MYLIP: variants seen among roughly 807,000 people sequenced by gnomAD.
MYLIP encodes the protein myosin regulatory light chain interacting protein, also known as E3 ubiquitin-protein ligase MYLIP.
A neutral mutation model predicts 45.8 loss-of-function variants in MYLIP; 26 were observed. That is an observed-to-expected ratio of 0.57 (90% CI 0.42 to 0.79). The LOEUF (loss-of-function observed/expected upper bound fraction) is 0.79, where lower values mean the gene tolerates loss of function less well. Ranked by LOEUF, MYLIP falls within the 30% of genes least tolerant of loss-of-function variation. The probability of loss-of-function intolerance (pLI) is 0.00; values close to 1 mark genes in which losing one functional copy is unlikely to be tolerated. For synonymous variants in MYLIP, 213 were observed against 218.1 expected (o/e 0.98, Z 0.21); for missense variants, 494 against 555.6 (o/e 0.89, Z 1.11).
intron 2 of MYLIP, among the ~76,000 whole-genome samples, chr6:16,132,183 A>C (rs1759471699): frequency 6.6e-6 from 1 of 152,220 alleles, no homozygotes; most frequent in South Asian, 2.1e-4. Flanking sequence ...AGAAGCTTGG[A>C]GTACCAAATA....
chr6:16,148,183 A>G lies in MYLIP; in HGVS notation c.*1432A>G, dbSNP rs1485996937. On this transcript the variant is annotated 3_prime_UTR_variant, in exon 7 of 7. Coordinates refer to ENST00000356840, the MANE Select transcript of MYLIP (RefSeq NM_013262.4). ...GTAAAAAAATAATGTTTCCACGTAA[A>G]GAACTCTGTTATATCCTAGAGGACT... is the stretch of plus-strand genomic sequence containing the variant. The G allele has an allele frequency of 6.6e-6, 1 of 152,636 alleles. No homozygotes were observed. The highest frequency in any genetic ancestry group is 1.5e-5 in the Non-Finnish European group (1 of 68,034). 9.5% of individuals were successfully genotyped at this position (152,636 alleles called of 1,614,324 possible). A position where few individuals can be genotyped will look rare whatever the true frequency, so the allele number is the denominator to read the frequency against.
intron 2 of MYLIP, among the ~76,000 whole-genome samples, chr6:16,134,104 T>A (rs373110579): frequency 7.2e-5 from 11 of 152,198 alleles, no homozygotes; most frequent in African/African-American, 2.2e-4. Flanking sequence ...TTTATAGCAT[T>A]TAATGAGCTT....
At chr6:16,153,775 G>T in the MYLIP span, among the ~76,000 whole-genome samples, 1 of 152,198 alleles carries the variant, frequency 6.6e-6, no homozygotes, top group Non-Finnish European at 1.5e-5. Context: ...TACATATGAG[G>T]TGTGACACCC....
At chr6:16,132,373 C>T (rs1561785769) in intron 2 of MYLIP, among the ~76,000 whole-genome samples, 1 of 152,124 alleles carries the variant, frequency 6.6e-6, no homozygotes, top group African/African-American at 2.4e-5. Flanking sequence ...TGAATTAGAA[C>T]TTGAATCAAA....
chr6:16,133,447 G>C (rs549390138), intron 2 of MYLIP, among the ~76,000 whole-genome samples: 1 of 152,104 alleles, frequency 6.6e-6, no homozygotes, highest in Non-Finnish European at 1.5e-5. Context: ...TTGAATATGA[G>C]CCTCAAATGT....
chr6:16,139,051 C>T (rs1053785606), intron 2 of MYLIP, among the ~76,000 whole-genome samples: 11 of 152,238 alleles, frequency 7.2e-5, no homozygotes, highest in East Asian at 1.9e-4. Context: ...CAAAAAGACA[C>T]GGAATTGATT....
At chr6:16,159,572 A>G in the MYLIP span, among the ~76,000 whole-genome samples, 1 of 152,284 alleles carries the variant, frequency 6.6e-6, no homozygotes, top group East Asian at 1.9e-4. Context: ...GTTGTGTTCA[A>G]ACACAGTGAC....
chr6:16,136,951 T>C (rs1383841458), intron 2 of MYLIP, among the ~76,000 whole-genome samples: 2 of 152,238 alleles, frequency 1.3e-5, no homozygotes, highest in Admixed American at 6.5e-5. Flanking sequence ...GTCAGATACA[T>C]GTTTTGTAAA....
Position 16,143,335 on chromosome 6 carries a change from A to G in MYLIP, c.662+118A>G, listed in dbSNP as rs1759715595. ...TCAGCTCTTAGGAATGAAAGATTTC[A>G]TTTTGGTATGTACATTAATTTTATT... is the stretch of plus-strand genomic sequence containing the variant. On this transcript the variant is annotated intron_variant, in intron 4 of 6. Transcript: ENST00000356840. The G allele has an allele frequency of 5.8e-6, 6 of 1,027,268 alleles. No homozygotes were observed. In the East Asian group the frequency reaches 9.8e-5, roughly 17 times the overall value. 63.6% of individuals were successfully genotyped at this position (1,027,268 alleles called of 1,614,324 possible). A position where few individuals can be genotyped will look rare whatever the true frequency, so the allele number is the denominator to read the frequency against.
chr6:16,144,240 G>C (rs1759739056), intron 5 of MYLIP, among the ~76,000 whole-genome samples: 1 of 152,094 alleles, frequency 6.6e-6, no homozygotes, highest in Non-Finnish European at 1.5e-5. Context: ...TATTTACTTA[G>C]TCTAGGACTC....
chr6:16,131,855 C>T (rs1034545792), intron 2 of MYLIP, among the ~76,000 whole-genome samples: 3 of 152,148 alleles, frequency 2.0e-5, no homozygotes, highest in African/African-American at 4.8e-5. Context: ...TTGAGGCAGA[C>T]GTTTAATTTT....
At chr6:16,160,569 A>G in the MYLIP span, among the ~76,000 whole-genome samples, 1 of 152,202 alleles carries the variant, frequency 6.6e-6, no homozygotes, top group Non-Finnish European at 1.5e-5. Context: ...TGGGAGGCTG[A>G]GGCAGGCAGA....
Position 16,145,396 on chromosome 6 carries a change from G to T in MYLIP, c.1248+79G>T. Reference sequence around the variant, plus strand: ...AACGGGGAGTAGGAGCCAGGTACTGGCTCGCTAATGCACAGACGGGGAATG... The same window carrying T: ...AACGGGGAGTAGGAGCCAGGTACTGTCTCGCTAATGCACAGACGGGGAATG... On this transcript the variant is annotated intron_variant, in intron 6 of 6. Transcript: ENST00000356840. 7 of 1,463,662 alleles carry T rather than the reference G, an allele frequency of 4.8e-6. No homozygotes were observed. The South Asian group carries it at 9.5e-5, about 20-fold the overall frequency. 90.7% of individuals were successfully genotyped at this position (1,463,662 alleles called of 1,614,324 possible). A position where few individuals can be genotyped will look rare whatever the true frequency, so the allele number is the denominator to read the frequency against.
intron 2 of MYLIP, 58 bp from the exon 3 acceptor site, chr6:16,141,567 G>A: frequency 6.8e-7 from 1 of 1,463,308 alleles, no homozygotes; most frequent in Non-Finnish European, 9.3e-7. Context: ...TGCTAAGTAG[G>A]CTGAGATTGA....
At chr6:16,138,403 A>G (rs1759599466) in intron 2 of MYLIP, among the ~76,000 whole-genome samples, 2 of 152,104 alleles carry the variant, frequency 1.3e-5, no homozygotes, top group Non-Finnish European at 2.9e-5. Context: ...AAGAGAAAAT[A>G]CTTGATTCAA....
chr6:16,133,377 T>C (rs1759493819), intron 2 of MYLIP, among the ~76,000 whole-genome samples: 1 of 152,240 alleles, frequency 6.6e-6, no homozygotes, highest in East Asian at 1.9e-4. Flanking sequence ...GATTGGTAGG[T>C]AGAGTTCTGA....
At chr6:16,162,709 G>C in the MYLIP span, among the ~76,000 whole-genome samples, 8 of 147,516 alleles carry the variant, frequency 5.4e-5, no homozygotes, top group African/African-American at 1.8e-4. Context: ...CCGGCACTTT[G>C]GAGGGCCGAG....
At chr6:16,131,720 C>G (rs935104114) in intron 2 of MYLIP, among the ~76,000 whole-genome samples, 2 of 152,114 alleles carry the variant, frequency 1.3e-5, no homozygotes, top group Non-Finnish European at 1.5e-5. Flanking sequence ...GAGCATTATC[C>G]TTTAAGAGTT....
chr6:16,143,760 A>G lies in MYLIP; in HGVS notation c.724A>G (p.Thr242Ala). 1 of 1,614,114 alleles carries G rather than the reference A, an allele frequency of 6.2e-7. No individual in the cohort carries two copies. Among genetic ancestry groups the G allele is most frequent in the Non-Finnish European group, 8.5e-7 (1 of 1,180,014 alleles). The change falls in exon 5 of 7, where the codon ACC (threonine) becomes GCC (alanine). Residue 242 changes from threonine to alanine, a missense_variant. Coordinates refer to ENST00000356840, the MANE Select transcript of MYLIP (RefSeq NM_013262.4). ...AGGAAAGAATGTATATTTGACGGTC[A>G]CCAAGGAATCTGGGAACAGCATCGT... ...QSGKNVYLTV[T>A]KESGNSIVLL...
Sources: allele counts gnomAD v4.1 joint callset (sites outside exome capture counted in the v4.1 genomes callset), GRCh38; gene constraint gnomAD v4.1.1; transcripts MANE v1.5; gene names NCBI Gene and HGNC (gene_info 2026-07-23, HGNC 2026-07-21).